The following MINDY4 variants were observed in gnomAD, a reference collection of about 807,000 sequenced individuals.
MINDY4 encodes the protein MINDY lysine 48 deubiquitinase 4.
In MINDY4, 68 loss-of-function variants were observed where a neutral mutation model predicts 87.0. That is an observed-to-expected ratio of 0.78 (90% CI 0.64 to 0.96). MINDY4 has a LOEUF of 0.96. MINDY4 is among the 40% of genes least tolerant of loss of function. MINDY4 has a pLI of 0.00. For synonymous variants in MINDY4, 379 were observed against 363.2 expected, an observed-to-expected ratio of 1.04 and a Z score of -0.50; for missense variants, 919 against 928.2, an observed-to-expected ratio of 0.99 and a Z score of 0.13.
intron 15 of MINDY4, among the ~76,000 whole-genome samples, chr7:30,879,070 T>G (rs1468780102): frequency 6.6e-6 from 1 of 152,242 alleles, no homozygotes; most frequent in Non-Finnish European, 1.5e-5. Context: ...GGACCCTCAG[T>G]GGTTTTCCAG....
chr7:30,787,432 A>C (rs1203135405), intron 4 of MINDY4, among the ~76,000 whole-genome samples: 2 of 152,172 alleles, frequency 1.3e-5, no homozygotes, highest in Non-Finnish European at 2.9e-5. Context: ...AATGTAAGAG[A>C]TTTCTTCGAA....
chr7:30,782,068 A>T lies in MINDY4; in HGVS notation c.275A>T (p.Asp92Val). 1 of 1,614,178 alleles carries T rather than the reference A, an allele frequency of 6.2e-7. No homozygotes were observed. The highest frequency in any genetic ancestry group is 8.5e-7 in the Non-Finnish European group (1 of 1,180,032). ...AATACGGCTAACAATTTCACTCAAG[A>T]TACCCCAATCCCTGCACTCTCAGTT... Reference protein sequence around the residue: ...FGNTANNFTQDTPIPALSVPK... With the variant: ...FGNTANNFTQVTPIPALSVPK... Residue 92 changes from aspartate (D) to valine (V), a missense_variant, in exon 3 of 18, where the codon GAT (aspartate) becomes GTT (valine). By Grantham distance (152) the Asp-to-Val change is radical (BLOSUM62 -3). Coordinates refer to ENST00000265299, the MANE Select transcript of MINDY4 (RefSeq NM_032222.3).
chr7:30,781,617 G>T, intron 2 of MINDY4: 1 of 194,530 alleles, frequency 5.1e-6, no homozygotes, highest in South Asian at 1.1e-4. Flanking sequence ...TACAGACTCC[G>T]TTTTTTAAAT....
In MINDY4 at chr7:30,859,394, G is replaced by A. The variant is rs562627015; in HGVS notation, c.1745+70G>A. 59 of 1,417,130 alleles carry A rather than the reference G, an allele frequency of 4.2e-5. 2 individuals are homozygous for A. In the South Asian group the frequency reaches 6.8e-4, roughly 16 times the overall value. The allele number at this position is 1,417,130 out of a possible 1,614,324, so 87.8% of individuals were successfully genotyped here. ...TCTTGTTCACTGCTGCCTCGCTAGA[G>A]CCCAGGATGGTGCTTGGCACATGTT... On this transcript the variant is annotated intron_variant, in intron 13 of 17. Coordinates refer to ENST00000265299, the MANE Select transcript of MINDY4 (RefSeq NM_032222.3).
intron 13 of MINDY4, among the ~76,000 whole-genome samples, chr7:30,867,064 G>A (rs1789959176): frequency 6.6e-6 from 1 of 152,218 alleles, no homozygotes; most frequent in Non-Finnish European, 1.5e-5. Flanking sequence ...AGCCCTTTGA[G>A]GTAATTATTG....
At chr7:30,822,805 T>A in intron 5 of MINDY4, among the ~76,000 whole-genome samples, 1 of 151,730 alleles carries the variant, frequency 6.6e-6, no homozygotes, top group African/African-American at 2.4e-5. Flanking sequence ...TTGGCTAATT[T>A]TTGAATTTTT....
chr7:30,877,453 C>T (rs1200685494), intron 15 of MINDY4, among the ~76,000 whole-genome samples: 3 of 152,166 alleles, frequency 2.0e-5, no homozygotes, highest in African/African-American at 7.2e-5. Context: ...CCGCATAGAC[C>T]CTCTGCTGTT....
At chr7:30,890,614 G>A (rs1790768081) in intron 17 of MINDY4, among the ~76,000 whole-genome samples, 1 of 152,224 alleles carries the variant, frequency 6.6e-6, no homozygotes, top group Non-Finnish European at 1.5e-5. Flanking sequence ...AGGGAAGTGA[G>A]TTGGAAGAAC....
intron 5 of MINDY4, among the ~76,000 whole-genome samples, chr7:30,799,331 T>A (rs192601145): frequency 6.6e-6 from 1 of 152,278 alleles, no homozygotes; most frequent in East Asian, 1.9e-4. Flanking sequence ...TCCTGTGACT[T>A]TGGAGTCCTT....
chr7:30,817,366 CTTTTTTT>C (rs572880227), intron 5 of MINDY4, among the ~76,000 whole-genome samples: 1 of 114,168 alleles, frequency 8.8e-6, no homozygotes, highest in African/African-American at 3.1e-5. Context: ...TTGGGTTTGT[CTTTTTTT>C]TTTTTTTTTT....
chr7:30,797,151 C>G (rs1342412548), intron 5 of MINDY4, among the ~76,000 whole-genome samples: 1 of 152,108 alleles, frequency 6.6e-6, no homozygotes, highest in Non-Finnish European at 1.5e-5. Flanking sequence ...CCCTGGAGAG[C>G]CAGTTGTTAA....
At chr7:30,853,322 G>A (rs1467552839) in intron 11 of MINDY4, 72 bp from the exon 12 acceptor site, 1 of 1,282,842 alleles carries the variant, frequency 7.8e-7, no homozygotes, top group East Asian at 2.4e-5. Context: ...AAGCCAGGGA[G>A]CAGAAGCTAA....
At chr7:30,779,808 T>A (rs568764076) in intron 2 of MINDY4, 5 of 152,230 alleles carry the variant, frequency 3.3e-5, no homozygotes, top group Non-Finnish European at 7.3e-5. Flanking sequence ...TTTTTTCAAA[T>A]GAGACTTCAG....
chr7:30,826,644 AG>A (rs1264086660), intron 5 of MINDY4, among the ~76,000 whole-genome samples: 1 of 152,240 alleles, frequency 6.6e-6, no homozygotes, highest in Non-Finnish European at 1.5e-5. Flanking sequence ...TATTTTTATA[AG>A]GAAGCAGTAA....
intron 5 of MINDY4, among the ~76,000 whole-genome samples, chr7:30,798,341 C>A (rs1787552397): frequency 6.6e-6 from 1 of 152,034 alleles, no homozygotes; most frequent in Non-Finnish European, 1.5e-5. Context: ...ATTGGATGTG[C>A]TGTGTTAGAG....
In MINDY4 at chr7:30,845,760, C is replaced by T. The variant is rs550191803; in HGVS notation, c.1446-4694C>T. ...TGTGAAAGCAGATGGAGGATGGGAT[C>T]GCACCCTCCAGGGAAGTCACGCTGA... On this transcript the variant is annotated intron_variant, in intron 9 of 17. Transcript: ENST00000265299. 3.9e-5 allele frequency among the ~76,000 whole-genome samples: 6 copies of T among 152,268 alleles called. No homozygotes were observed. In the South Asian group the frequency reaches 8.3e-4, roughly 21 times the overall value.
chr7:30,819,665 A>C (rs1788263670), intron 5 of MINDY4, among the ~76,000 whole-genome samples: 1 of 152,128 alleles, frequency 6.6e-6, no homozygotes, highest in Non-Finnish European at 1.5e-5. Context: ...CTTTGTTGTT[A>C]GGAGCATAGA....
chr7:30,888,278 G>A (rs1790695038), intron 17 of MINDY4, among the ~76,000 whole-genome samples: 1 of 152,154 alleles, frequency 6.6e-6, no homozygotes, highest in African/African-American at 2.4e-5. Context: ...TGGTCTCAAC[G>A]GGACAATTGT....
rs1410809767 is a variant in MINDY4, at chr7:30,785,826, A to C, written c.497A>C (p.Gln166Pro). 3 of 1,614,244 alleles carry C rather than the reference A, an allele frequency of 1.9e-6. No homozygotes were observed. Among genetic ancestry groups the C allele is most frequent in the Non-Finnish European group, 2.5e-6 (3 of 1,180,042 alleles). The change falls in exon 4 of 18, where the codon CAG becomes CCG. Residue 166 changes from glutamine (Q) to proline (P), a missense_variant. Gln to Pro is a moderately conservative substitution (Grantham distance 76). Coordinates refer to ENST00000265299, the MANE Select transcript of MINDY4 (RefSeq NM_032222.3). The stretch of plus-strand genomic sequence containing the variant: ...CCCCCGCACAAAAGTAAGCCCATGC[A>C]GACGGTCCCGGGTGAAACTCCTGTG... ...KRPPHKSKPM[Q>P]TVPGETPVLT...
Sources: gnomAD v4.1 joint callset for allele counts (sites outside exome capture counted in the v4.1 genomes callset) on GRCh38, gnomAD v4.1.1 for gene constraint, MANE v1.5 for transcripts, NCBI Gene and HGNC (gene_info 2026-07-23, HGNC 2026-07-21) for gene names.